LRIT3: variants seen among roughly 807,000 people sequenced by gnomAD.
The protein encoded by LRIT3 is leucine-rich repeat, immunoglobulin-like domain and transmembrane domain-containing protein 3.
Under a neutral mutation model 22.6 loss-of-function variants are expected in LRIT3, and 14 were observed. The ratio of observed to expected loss-of-function variants is 0.62; its 90% CI spans 0.41 to 0.97. The LOEUF is 0.97. LRIT3 is among the 50% of genes least tolerant of loss of function. The pLI is 0.00. For synonymous variants in LRIT3, 306 were observed against 304.5 expected (o/e 1.01, Z -0.05); for missense variants, 783 against 803.0 (o/e 0.98, Z 0.30).
chr4:109,869,246 G>A lies in LRIT3; in HGVS notation c.896-399G>A, dbSNP rs1343615996. ...ATGAAAAACATTCCATAGAATCACAGTGACTTAAAATTGAAAGGGACCTTT... is the reference window on the plus strand; with the variant it reads ...ATGAAAAACATTCCATAGAATCACAATGACTTAAAATTGAAAGGGACCTTT... On this transcript the variant is annotated intron_variant, in intron 3 of 3. Transcript: ENST00000594814. Among the ~76,000 whole-genome samples, 11 of 152,232 alleles carry A rather than the reference G, an allele frequency of 7.2e-5. No homozygotes were observed. The East Asian group carries it at 1.9e-3, about 27-fold the overall frequency.
At chr4:109,865,851 G>T (rs535555025) in intron 2 of LRIT3, among the ~76,000 whole-genome samples, 1 of 152,094 alleles carries the variant, frequency 6.6e-6, no homozygotes, top group Non-Finnish European at 1.5e-5. Flanking sequence ...CAGCCCAGAC[G>T]TTAGGTTCCA....
At chr4:109,853,353 CAT>C (rs1271502147) in intron 2 of LRIT3, among the ~76,000 whole-genome samples, 4 of 151,968 alleles carry the variant, frequency 2.6e-5, no homozygotes, top group Non-Finnish European at 4.4e-5. Context: ...GCTTTTTTTT[CAT>C]ATGTTTGTTG....
At chr4:109,853,158 A>G (rs1734314738) in intron 2 of LRIT3, among the ~76,000 whole-genome samples, 1 of 152,174 alleles carries the variant, frequency 6.6e-6, no homozygotes, top group South Asian at 2.1e-4. Flanking sequence ...GAATTGCCAC[A>G]CTGTCTTCCA....
chr4:109,849,489 G>A (rs1376570533), intron 1 of LRIT3, among the ~76,000 whole-genome samples: 1 of 152,222 alleles, frequency 6.6e-6, no homozygotes, highest in Admixed American at 6.5e-5. Flanking sequence ...ACTGTATGGA[G>A]ACCAAATGAC....
intron 1 of LRIT3, among the ~76,000 whole-genome samples, chr4:109,850,437 T>TTCTTTCTTTCTTTCTTTCTCTCTC (rs1560589043): frequency 9.8e-6 from 1 of 101,978 alleles, no homozygotes; most frequent in African/African-American, 4.2e-5. Flanking sequence ...CTTTCTTTCT[T>TTCTTTCTTTCTTTCTTTCTCTCTC]TCTTTCTTTC....
intron 2 of LRIT3, among the ~76,000 whole-genome samples, chr4:109,866,144 A>G (rs1303600639): frequency 6.6e-6 from 1 of 152,212 alleles, no homozygotes; most frequent in Non-Finnish European, 1.5e-5. Context: ...TTTAAAAAGT[A>G]TAATAAAAAT....
At chr4:109,865,118 G>T in intron 2 of LRIT3, 3 of 1,425,046 alleles carry the variant, frequency 2.1e-6, no homozygotes, top group Non-Finnish European at 1.9e-6. Flanking sequence ...TTATTTTATA[G>T]GCTGATAGAA....
At chr4:109,848,371 C>A in intron 1 of LRIT3, 54 bp downstream of exon 1, 2 of 1,008,596 alleles carry the variant, frequency 2.0e-6, no homozygotes, top group Non-Finnish European at 2.6e-6. Context: ...AAAAAGGACC[C>A]AAACAAGAAA....
intron 1 of LRIT3, among the ~76,000 whole-genome samples, chr4:109,850,667 G>A (rs1734232159): frequency 6.6e-6 from 1 of 151,498 alleles, no homozygotes; most frequent in African/African-American, 2.4e-5. Context: ...AGTGGAGTCG[G>A]GGTTTCGTCA....
chr4:109,859,457 A>C (rs1734483128), intron 2 of LRIT3, among the ~76,000 whole-genome samples: 1 of 152,228 alleles, frequency 6.6e-6, no homozygotes, highest in Non-Finnish European at 1.5e-5. Flanking sequence ...TTCATAACCT[A>C]TGATTAGCAA....
At chr4:109,854,052 G>A (rs944273847) in intron 2 of LRIT3, among the ~76,000 whole-genome samples, 1 of 152,100 alleles carries the variant, frequency 6.6e-6, no homozygotes, top group African/African-American at 2.4e-5. Flanking sequence ...GCTTAGGACT[G>A]TCTTGGCTAT....
chr4:109,864,088 AAAT>A (rs1394906439), intron 2 of LRIT3, among the ~76,000 whole-genome samples: 7 of 152,218 alleles, frequency 4.6e-5, no homozygotes, highest in African/African-American at 1.7e-4. Context: ...TCTTAAAATT[AAAT>A]AATAAAATAG....
chr4:109,870,428 C>T lies in LRIT3; in HGVS notation c.1679C>T (p.Pro560Leu). The change falls in exon 4 of 4, where the codon CCT becomes CTT. Residue 560 changes from proline (P) to leucine (L), a missense_variant. Pro to Leu is a moderately conservative substitution (Grantham distance 98). This residue lies in a region of LRIT3 where 756 missense variants were observed against 753.8 expected (regional missense o/e 1.00). Coordinates refer to ENST00000594814, the MANE Select transcript of LRIT3 (RefSeq NM_198506.5). Reference sequence around the variant, plus strand: ...GCCTGTGTCTGTCCAAAAGGAGTGCCTCCCCAGAAAGACCAATGCATCACC... The same window carrying T: ...GCCTGTGTCTGTCCAAAAGGAGTGCTTCCCCAGAAAGACCAATGCATCACC... ...YMACVCPKGV[P>L]PQKDQCITFS... 6.2e-7 allele frequency: 1 copy of T among 1,614,158 alleles called. No individual in the cohort carries two copies. The highest frequency in any genetic ancestry group is 8.5e-7 in the Non-Finnish European group (1 of 1,180,010).
rs757727794 is a variant in LRIT3, at chr4:109,867,914, C to G, written c.863C>G (p.Thr288Ser). Reference protein sequence around the residue: ...TGFPTPQITWTRSDSSPVNYT... With the variant: ...TGFPTPQITWSRSDSSPVNYT... ...TTCCCCACCCCACAGATCACATGGACCAGATCTGACAGCTCGCCAGTTAAT... is the reference window on the plus strand; with the variant it reads ...TTCCCCACCCCACAGATCACATGGAGCAGATCTGACAGCTCGCCAGTTAAT... Residue 288 changes from threonine (T) to serine (S), a missense_variant, in exon 3 of 4, where the codon ACC (threonine) becomes AGC (serine). Around this residue, in one of 2 missense-constraint regions of LRIT3, gnomAD observed 756 missense variants for 753.8 expected, o/e 1.00. Coordinates refer to ENST00000594814, the MANE Select transcript of LRIT3 (RefSeq NM_198506.5). 1.2e-6 allele frequency: 2 copies of G among 1,612,164 alleles called. No homozygotes were observed. Among genetic ancestry groups the G allele is most frequent in the Admixed American group, 1.7e-5 (1 of 59,986 alleles).
intron 2 of LRIT3, among the ~76,000 whole-genome samples, chr4:109,860,220 T>C (rs1159252536): frequency 1.3e-5 from 2 of 152,200 alleles, no homozygotes; most frequent in African/African-American, 4.8e-5. Context: ...TGCTTTTTTT[T>C]TGGGGGTGTT....
In LRIT3 at chr4:109,865,332, G is replaced by C; in HGVS notation, c.590-2309G>C. 5 of 1,586,388 alleles carry C rather than the reference G, an allele frequency of 3.2e-6. No homozygotes were observed. The South Asian group carries it at 5.6e-5, about 18-fold the overall frequency. Reference sequence around the variant, plus strand: ...TTTCTCTTTCATATATTTAAATCTGGCCTTCACATATCAGGTCAACTAATA... The same window carrying C: ...TTTCTCTTTCATATATTTAAATCTGCCCTTCACATATCAGGTCAACTAATA... On this transcript the variant is annotated intron_variant, in intron 2 of 3. Transcript: ENST00000594814.
At chr4:109,864,969 A>C in intron 2 of LRIT3, 1 of 893,908 alleles carries the variant, frequency 1.1e-6, no homozygotes, top group Non-Finnish European at 1.5e-6. Context: ...GATTATCTTT[A>C]GCACCTCAAT....
At chr4:109,865,366 A>T in intron 2 of LRIT3, 1 of 1,398,636 alleles carries the variant, frequency 7.1e-7, no homozygotes, top group Non-Finnish European at 1.0e-6. Context: ...TACGTACAAT[A>T]ATGACTGAAT....
At chr4:109,851,086 T>G (rs936007025) in intron 1 of LRIT3, among the ~76,000 whole-genome samples, 1 of 152,202 alleles carries the variant, frequency 6.6e-6, no homozygotes, top group African/African-American at 2.4e-5. Context: ...GAAAGGTGGC[T>G]GTGAAACCCA....
Sources: allele counts gnomAD v4.1 joint callset (sites outside exome capture counted in the v4.1 genomes callset), GRCh38; gene constraint gnomAD v4.1.1; regional missense constraint gnomAD v4.1.1; transcripts MANE v1.5; gene names NCBI Gene and HGNC (gene_info 2026-07-23, HGNC 2026-07-21).